Variants in NCOR2 observed in about 807,000 individuals in gnomAD.
NCOR2 encodes the protein CTG repeat protein 26.
A neutral mutation model predicts 262.9 loss-of-function variants in NCOR2; 81 were observed. That is an observed-to-expected ratio of 0.31 (90% CI 0.26 to 0.37). The LOEUF (loss-of-function observed/expected upper bound fraction) is 0.37, where lower values mean the gene tolerates loss of function less well. NCOR2 is among the 10% of genes least tolerant of loss of function. The probability of loss-of-function intolerance (pLI) is 1.00; values close to 1 mark genes in which losing one functional copy is unlikely to be tolerated. For synonymous variants in NCOR2, 1,659 were observed against 1,559.3 expected (o/e 1.06, Z -1.51); for missense variants, 3,385 against 3,621.4 (o/e 0.93, Z 1.68).
At chr12:124,534,868 G>T (rs1234255731) in intron 1 of NCOR2, among the ~76,000 whole-genome samples, 3 of 152,182 alleles carry the variant, frequency 2.0e-5, no homozygotes, top group South Asian at 4.1e-4. Flanking sequence ...ACAAAATGGG[G>T]TGACCTGTGA....
In NCOR2 at chr12:124,330,609, G is replaced by A. The variant is rs570136908; in HGVS notation, c.6958+236C>T. 2.1e-4 allele frequency among the ~76,000 whole-genome samples: 32 copies of A among 152,338 alleles called. 1 individual carries two copies. The highest frequency in any genetic ancestry group is 6.7e-4 in the African/African-American group (28 of 41,574). ...TGCATCTGATACTTACTAACCACCC[G>A]AGGGGATCTTAACTCCAGAGATTCC... On this transcript the variant is annotated intron_variant, in intron 44 of 46. Coordinates refer to ENST00000405201, the Ensembl canonical transcript of NCOR2.
chr12:124,361,890 T>G (rs1025791056), intron 22 of NCOR2, among the ~76,000 whole-genome samples: 6 of 152,234 alleles, frequency 3.9e-5, no homozygotes, highest in African/African-American at 1.4e-4. Flanking sequence ...TGCCACGGGG[T>G]GACTCTTGGC....
At chr12:124,423,969 T>C (rs2043378674) in intron 11 of NCOR2, among the ~76,000 whole-genome samples, 1 of 152,086 alleles carries the variant, frequency 6.6e-6, no homozygotes, top group African/African-American at 2.4e-5. Context: ...TGCTATCAAT[T>C]CCTCTGCACA....
At chr12:124,485,412 A>G (rs770682617) in intron 2 of NCOR2, among the ~76,000 whole-genome samples, 1 of 152,256 alleles carries the variant, frequency 6.6e-6, no homozygotes, top group Non-Finnish European at 1.5e-5. Context: ...ATGCAGCCAC[A>G]GCTGAGGAAC....
intron 7 of NCOR2, among the ~76,000 whole-genome samples, chr12:124,447,844 G>T (rs561681351): frequency 1.3e-5 from 2 of 152,074 alleles, no homozygotes; most frequent in East Asian, 3.9e-4. Flanking sequence ...CCACAGGCAC[G>T]TGCCACCACA....
chr12:124,458,867 A>G (rs1372503978), intron 5 of NCOR2, among the ~76,000 whole-genome samples: 7 of 152,150 alleles, frequency 4.6e-5, no homozygotes, highest in Admixed American at 6.5e-5. Context: ...TCGAAGCAGG[A>G]AAGAGTCTGC....
At chr12:124,361,575 G>A (rs2038595497) in intron 22 of NCOR2, among the ~76,000 whole-genome samples, 1 of 152,228 alleles carries the variant, frequency 6.6e-6, no homozygotes, top group African/African-American at 2.4e-5. Context: ...CCCAACCCTG[G>A]CTCCTGGTGA....
At position 124,340,681 on chromosome 12, in the gene NCOR2, G is replaced by A. The variant is rs772235440; in HGVS notation, c.5259C>T (p.Thr1753=). The A allele has an allele frequency of 3.7e-5, 56 of 1,523,246 alleles. No homozygotes were observed. The East Asian group carries it at 7.8e-4, about 21-fold the overall frequency. The allele number at this position is 1,523,246 out of a possible 1,614,324, so 94.4% of individuals were successfully genotyped here. A position where few individuals can be genotyped will look rare whatever the true frequency, so the allele number is the denominator to read the frequency against. ...GGAGGTAGGCAAGGCGGTCCATGGC[G>A]GTGGCTGGGGTGCCTGGTGTCGGGG... The change falls in exon 35 of 47, where the codon ACC becomes ACT. Residue 1753 remains threonine (T), a synonymous_variant. Coordinates refer to ENST00000405201, the Ensembl canonical transcript of NCOR2.
intron 1 of NCOR2, among the ~76,000 whole-genome samples, chr12:124,530,410 T>C (rs889567444): frequency 2.6e-5 from 4 of 152,128 alleles, no homozygotes; most frequent in Admixed American, 2.6e-4. Context: ...TCAAAACACA[T>C]GCAATTGAAC....
exon 13 of NCOR2, chr12:124,420,006 T>C: frequency 6.2e-7 from 1 of 1,613,920 alleles, no homozygotes; most frequent in Non-Finnish European, 8.5e-7. Flanking sequence ...GCTCTTATAG[T>C]TCTCATTCTT....
chr12:124,390,084 G>T (rs553540432), intron 16 of NCOR2, among the ~76,000 whole-genome samples: 7 of 152,152 alleles, frequency 4.6e-5, no homozygotes. Flanking sequence ...CCTGGGGCAC[G>T]ATGCCAGGGG....
chr12:124,343,077 C>T, exon 33 of NCOR2: 1 of 1,612,384 alleles, frequency 6.2e-7, no homozygotes. Flanking sequence ...CGATACAGGT[C>T]CACGCCACTC....
chr12:124,362,408 G>A (rs571656898), intron 21 of NCOR2, 111 bp from the exon 24 acceptor site: 5 of 999,610 alleles, frequency 5.0e-6, no homozygotes, highest in Middle Eastern at 2.7e-4. Flanking sequence ...GAAAGCCAGC[G>A]ACATGCTCAA....
At chr12:124,494,234 C>T (rs1025433077) in intron 1 of NCOR2, among the ~76,000 whole-genome samples, 17 of 152,014 alleles carry the variant, frequency 1.1e-4, no homozygotes, top group African/African-American at 2.4e-4. Flanking sequence ...CACACACACA[C>T]GCACACACGC....
chr12:124,562,595 A>G (rs1302124504), intron 1 of NCOR2, among the ~76,000 whole-genome samples: 1 of 152,164 alleles, frequency 6.6e-6, no homozygotes, highest in Non-Finnish European at 1.5e-5. Context: ...GACAGACACT[A>G]AGTGATTAAA....
chr12:124,469,471 G>A (rs570443716), intron 4 of NCOR2, among the ~76,000 whole-genome samples: 87 of 152,314 alleles, frequency 5.7e-4, no homozygotes, highest in South Asian at 2.3e-3. Flanking sequence ...CCACAGCCCC[G>A]AAAGGGTGGG....
rs1225196939 is a variant in NCOR2, at chr12:124,482,469, G to C, written c.411+1127C>G. On this transcript the variant is annotated intron_variant, in intron 3 of 46. Coordinates refer to ENST00000405201, the Ensembl canonical transcript of NCOR2. The surrounding 1 kb of genome is among the most constrained non-coding windows in gnomAD (Gnocchi z 6.3). ...AGTCTGGCCCAGGTGGCCTGGCCCC[G>C]CAGCCAGACCACCACCCATGCCGGC... Among the ~76,000 whole-genome samples, 2 of 152,100 alleles carry C rather than the reference G, an allele frequency of 1.3e-5. No homozygotes were observed.
At chr12:124,409,567 G>A (rs1265935790) in intron 13 of NCOR2, among the ~76,000 whole-genome samples, 5 of 152,076 alleles carry the variant, frequency 3.3e-5, no homozygotes, top group Non-Finnish European at 5.9e-5. Flanking sequence ...ATTGACTTAC[G>A]CATGGTCCAA....
chr12:124,526,520 G>A (rs2137121872), intron 1 of NCOR2, among the ~76,000 whole-genome samples: 1 of 152,280 alleles, frequency 6.6e-6, no homozygotes, highest in South Asian at 2.1e-4. Context: ...GGCTGTGGCT[G>A]GGCACCCTGG....
Sources: gnomAD v4.1 joint callset for allele counts (sites outside exome capture counted in the v4.1 genomes callset) on GRCh38, gnomAD v4.1.1 for gene constraint, Gnocchi (gnomAD v3.1) non-coding constraint, MANE v1.5 for transcripts, NCBI Gene and HGNC (gene_info 2026-07-23, HGNC 2026-07-21) for gene names.